ATAD2B: variants seen among roughly 807,000 people sequenced by gnomAD.
The protein encoded by ATAD2B is ATPase family AAA domain containing 2B.
In ATAD2B, 40 loss-of-function variants were observed where a neutral mutation model predicts 167.6. That is an observed-to-expected ratio of 0.24 (90% confidence interval 0.19 to 0.31). ATAD2B has a LOEUF of 0.31. Among genes scored for constraint, ATAD2B ranks in the 10% least tolerant of loss-of-function variants. The pLI is 1.00. For missense variants in ATAD2B, 1,242 were observed against 1,757.2 expected, an observed-to-expected ratio of 0.71 and a Z score of 5.24; for synonymous variants, 579 against 596.5, an observed-to-expected ratio of 0.97 and a Z score of 0.43.
intron 18 of ATAD2B, chr2:23,809,220 G>A (rs1391294261): frequency 6.6e-6 from 1 of 151,988 alleles, no homozygotes; most frequent in Non-Finnish European, 1.5e-5. Context: ...AACATTATTG[G>A]AAAACACACC....
chr2:23,912,438 TC>T (rs1161180162), intron 1 of ATAD2B, among the ~76,000 whole-genome samples: 2 of 151,648 alleles, frequency 1.3e-5, no homozygotes, highest in Non-Finnish European at 2.9e-5. Flanking sequence ...GTCCAGGAGT[TC>T]AAGGCTACAG....
chr2:23,711,338 C>CTTTTTTTTTTTTTTT, the ATAD2B span, among the ~76,000 whole-genome samples: 2 of 45,622 alleles, frequency 4.4e-5, no homozygotes, highest in Admixed American at 4.1e-4. Context: ...CACAGAATTT[C>CTTTTTTTTTTTTTTT]TTTCTTTTTT....
At chr2:23,807,896 TA>T (rs1321134484) in intron 18 of ATAD2B, among the ~76,000 whole-genome samples, 105 of 133,154 alleles carry the variant, frequency 7.9e-4, no homozygotes, top group Admixed American at 1.1e-3. Flanking sequence ...ATGTATATAA[TA>T]AAATATATAA....
chr2:23,742,623 G>A, the ATAD2B span, among the ~76,000 whole-genome samples: 4 of 151,580 alleles, frequency 2.6e-5, no homozygotes, highest in Non-Finnish European at 4.4e-5. Flanking sequence ...GTTAATGGGT[G>A]CAGCACACCA....
chr2:23,692,483 TG>T, the ATAD2B span, among the ~76,000 whole-genome samples: 7 of 152,164 alleles, frequency 4.6e-5, no homozygotes, highest in Non-Finnish European at 7.4e-5. Flanking sequence ...AAAGAAGCAG[TG>T]GCCTGGGGTG....
intron 1 of ATAD2B, among the ~76,000 whole-genome samples, chr2:23,903,942 G>GTGTTGT (rs1039490666): frequency 3.3e-5 from 5 of 151,402 alleles, no homozygotes; most frequent in Admixed American, 6.6e-5. Context: ...GTTGTTGTTG[G>GTGTTGT]TGGTGGTGGT....
At position 23,926,627 on chromosome 2, in the gene ATAD2B, G is replaced by C; in HGVS notation, c.144C>G (p.Thr48=). 6.4e-7 allele frequency: 1 copy of C among 1,564,552 alleles called. No individual in the cohort carries two copies. The highest frequency in any genetic ancestry group is 8.7e-7 in the Non-Finnish European group (1 of 1,155,776). Residue 48 remains threonine, a synonymous_variant, in exon 1 of 28, where the codon ACC becomes ACG. Coordinates refer to ENST00000238789, the MANE Select transcript of ATAD2B (RefSeq NM_017552.4). ...FISSRTRSSK[T]RAASCPAAKA... is the part of the protein sequence containing the mutation. ...TGGCGGCGGGGCAGCTGGCGGCGCG[G>C]GTCTTGGAGGAGCGGGTCCGAGAGG...
the ATAD2B span, among the ~76,000 whole-genome samples, chr2:23,717,411 G>A: frequency 1.3e-5 from 2 of 152,206 alleles, no homozygotes; most frequent in Non-Finnish European, 2.9e-5. Context: ...TTCCAGGACA[G>A]AGCCCAGATT....
chr2:23,799,707 AT>A (rs1468871136), intron 18 of ATAD2B: 2 of 151,854 alleles, frequency 1.3e-5, no homozygotes, highest in Non-Finnish European at 2.9e-5. Context: ...TAAATAGTGT[AT>A]TTTATACAGC....
chr2:23,813,271 T>A (rs1685899193), intron 17 of ATAD2B, among the ~76,000 whole-genome samples: 1 of 148,570 alleles, frequency 6.7e-6, no homozygotes, highest in South Asian at 2.1e-4. Flanking sequence ...TTTATAAAAA[T>A]TATATGAATT....
At chr2:23,905,090 A>T (rs987148259) in intron 1 of ATAD2B, among the ~76,000 whole-genome samples, 34 of 152,226 alleles carry the variant, frequency 2.2e-4, no homozygotes, top group Non-Finnish European at 8.8e-5. Flanking sequence ...AGTTTAGGAG[A>T]TACAGAAAGA....
intron 16 of ATAD2B, among the ~76,000 whole-genome samples, chr2:23,822,291 T>C (rs1410650416): frequency 1.3e-5 from 2 of 152,072 alleles, no homozygotes; most frequent in Non-Finnish European, 2.9e-5. Context: ...TCCCAGCACT[T>C]TGGGAGGTCA....
the ATAD2B span, chr2:23,693,609 G>A: frequency 6.4e-6 from 9 of 1,403,996 alleles, no homozygotes; most frequent in African/African-American, 1.1e-4. Context: ...CAAGGAGGAA[G>A]GAAGTGAACC....
downstream of ATAD2B, among the ~76,000 whole-genome samples, chr2:23,744,518 T>A (rs1349242162): frequency 6.6e-6 from 1 of 152,244 alleles, no homozygotes; most frequent in Admixed American, 6.5e-5. Context: ...ACACTTACTA[T>A]GTGCCTGGTA....
At chr2:23,745,576 A>T (rs1674835534), downstream of ATAD2B, among the ~76,000 whole-genome samples, 2 of 152,288 alleles carry the variant, frequency 1.3e-5, no homozygotes, top group South Asian at 2.1e-4. Flanking sequence ...GGACCCCCCA[A>T]CCTGATGTTA....
At chr2:23,703,039 G>C in the ATAD2B span, 1 of 501,010 alleles carries the variant, frequency 2.0e-6, no homozygotes, top group South Asian at 5.9e-5. Flanking sequence ...GTGTCTCATC[G>C]CAGTGCCCCC....
intron 2 of ATAD2B, among the ~76,000 whole-genome samples, chr2:23,895,609 T>C (rs1006972118): frequency 1.4e-4 from 21 of 152,186 alleles, no homozygotes; most frequent in Non-Finnish European, 1.9e-4. Context: ...GTTTTACTTA[T>C]GGTAATTTCT....
chr2:23,788,935 T>A (rs1216384946), intron 19 of ATAD2B, among the ~76,000 whole-genome samples: 1 of 117,620 alleles, frequency 8.5e-6, no homozygotes, highest in Admixed American at 1.1e-4. Context: ...TTGTAACAGA[T>A]GGCAACAATC....
intron 8 of ATAD2B, among the ~76,000 whole-genome samples, chr2:23,875,611 T>C (rs1376317124): frequency 1.3e-5 from 2 of 151,800 alleles, no homozygotes; most frequent in Admixed American, 6.6e-5. Context: ...ATGAAAGCAA[T>C]ATGGGTCACC....
Sources: gnomAD v4.1 joint callset for allele counts (sites outside exome capture counted in the v4.1 genomes callset) on GRCh38, gnomAD v4.1.1 for gene constraint, MANE v1.5 for transcripts, NCBI Gene and HGNC (gene_info 2026-07-23, HGNC 2026-07-21) for gene names.